ZC3H18: variants seen among roughly 807,000 people sequenced by gnomAD.
ZC3H18 encodes the protein zinc finger CCCH domain-containing protein 18.
In ZC3H18, 8 loss-of-function variants were observed where a neutral mutation model predicts 106.1. The ratio of observed to expected loss-of-function variants is 0.08; its 90% CI spans 0.04 to 0.14. The LOEUF is 0.14. ZC3H18 is among the 10% of genes least tolerant of loss of function. The probability of loss-of-function intolerance (pLI) is 1.00; values close to 1 mark genes in which losing one functional copy is unlikely to be tolerated. For synonymous variants in ZC3H18, 635 were observed against 522.1 expected, an observed-to-expected ratio of 1.22 and a Z score of -2.95; for missense variants, 1,318 against 1,278.4, an observed-to-expected ratio of 1.03 and a Z score of -0.47.
intron 3 of ZC3H18, among the ~76,000 whole-genome samples, chr16:88,589,964 C>G (rs1411434061): frequency 6.6e-6 from 1 of 152,172 alleles, no homozygotes; most frequent in Non-Finnish European, 1.5e-5. Context: ...TGAATTGTGT[C>G]ACAATTAGAA....
Position 88,630,501 on chromosome 16 carries a change from G to T in ZC3H18, c.2583G>T (p.Lys861Asn), listed in dbSNP as rs1350497642. 1 of 1,613,524 alleles carries T rather than the reference G, an allele frequency of 6.2e-7. No homozygotes were observed. The highest frequency in any genetic ancestry group is 8.5e-7 in the Non-Finnish European group (1 of 1,179,926). ...ATCACCCAGGTTCTCGGGACCGGAAGTCAGGTGGGAGACTGGGCTCCCCGA... is the reference window on the plus strand; with the variant it reads ...ATCACCCAGGTTCTCGGGACCGGAATTCAGGTGGGAGACTGGGCTCCCCGA... ...TSPDRGSRDR[K>N]SGGRLGSPKP... The change falls in exon 17 of 18, where the codon AAG (lysine) becomes AAT (asparagine). Residue 861 changes from lysine to asparagine, a missense_variant. Lys to Asn is a moderately conservative substitution (Grantham distance 94). This residue lies in a region of ZC3H18 where 848 missense variants were observed against 821.7 expected (regional missense o/e 1.03). Transcript: ENST00000301011.
At position 88,631,382 on chromosome 16, in the gene ZC3H18, T is replaced by C; in HGVS notation, c.*83T>C. ...GGATTTTGCAGTTAATGTCTTATTTTGGCTGTGATTCTTTTTAAAAAGTAA... is the reference window on the plus strand; with the variant it reads ...GGATTTTGCAGTTAATGTCTTATTTCGGCTGTGATTCTTTTTAAAAAGTAA... On this transcript the variant is annotated 3_prime_UTR_variant, in exon 18 of 18. Coordinates refer to ENST00000301011, the MANE Select transcript of ZC3H18 (RefSeq NM_144604.4). 6.7e-7 allele frequency: 1 copy of C among 1,497,980 alleles called. No homozygotes were observed. Among genetic ancestry groups the C allele is most frequent in the Non-Finnish European group, 9.0e-7 (1 of 1,111,762 alleles). The allele number at this position is 1,497,980 out of a possible 1,614,324, so 92.8% of individuals were successfully genotyped here.
intron 11 of ZC3H18, 130 bp downstream of exon 11, chr16:88,624,192 AG>A (rs34533628): frequency 4.6e-6 from 6 of 1,304,412 alleles, no homozygotes; most frequent in Non-Finnish European, 6.3e-6. Context: ...GGCTGGCCCC[AG>A]GGGGTGACTG....
At chr16:88,619,684 G>C (rs1482728592) in intron 8 of ZC3H18, among the ~76,000 whole-genome samples, 1 of 152,182 alleles carries the variant, frequency 6.6e-6, no homozygotes, top group Non-Finnish European at 1.5e-5. Flanking sequence ...CCGTGGCAGG[G>C]GGCAAGCAGA....
At chr16:88,584,879 C>G (rs561891522) in intron 2 of ZC3H18, among the ~76,000 whole-genome samples, 112 of 152,206 alleles carry the variant, frequency 7.4e-4, no homozygotes, top group African/African-American at 2.6e-3. Context: ...CCCTTCTCAC[C>G]ACCTCATCTC....
At chr16:88,608,276 G>C (rs1319617742) in intron 6 of ZC3H18, among the ~76,000 whole-genome samples, 1 of 152,174 alleles carries the variant, frequency 6.6e-6, no homozygotes, top group African/African-American at 2.4e-5. Context: ...ATTCCCCAGT[G>C]AGTAAGGTGC....
chr16:88,626,280 A>C (rs773177964), intron 13 of ZC3H18: 2 of 152,058 alleles, frequency 1.3e-5, no homozygotes, highest in African/African-American at 4.8e-5. Flanking sequence ...AGCTGGGTAT[A>C]GTGGTGTGTG....
intron 9 of ZC3H18, chr16:88,622,903 GAT>G (rs1238476675): frequency 2.6e-6 from 1 of 388,592 alleles, no homozygotes; most frequent in Non-Finnish European, 4.8e-6. Context: ...CAGATGAACA[GAT>G]AGACACACAC....
chr16:88,590,840 G>A (rs1915708983), intron 3 of ZC3H18, among the ~76,000 whole-genome samples: 1 of 152,038 alleles, frequency 6.6e-6, no homozygotes, highest in African/African-American at 2.4e-5. Flanking sequence ...GATTACAGGT[G>A]TGAGCCACCA....
intron 8 of ZC3H18, among the ~76,000 whole-genome samples, chr16:88,620,383 A>G (rs1324894129): frequency 6.6e-6 from 1 of 152,134 alleles, no homozygotes; most frequent in African/African-American, 2.4e-5. Context: ...GAGGCCAGAA[A>G]TTCGAGACCA....
intron 3 of ZC3H18, 42 bp downstream of exon 3, chr16:88,586,726 C>A (rs775889700): frequency 1.3e-6 from 2 of 1,563,610 alleles, no homozygotes; most frequent in Non-Finnish European, 1.8e-6. Context: ...CCAGCTGGGG[C>A]CCCACCTTCT....
chr16:88,570,944 G>A (rs1350842726), intron 1 of ZC3H18, among the ~76,000 whole-genome samples: 2 of 152,244 alleles, frequency 1.3e-5, no homozygotes, highest in African/African-American at 2.4e-5. Context: ...CACCTCCAGA[G>A]TAGGTCATCC....
chr16:88,613,598 T>C (rs1024660439), intron 8 of ZC3H18, among the ~76,000 whole-genome samples: 3 of 152,236 alleles, frequency 2.0e-5, no homozygotes, highest in African/African-American at 7.2e-5. Flanking sequence ...TGGATGATAA[T>C]GAGAGCATCT....
intron 1 of ZC3H18, among the ~76,000 whole-genome samples, chr16:88,572,747 CCCTTCGTAGCACCTT>C (rs1914490253): frequency 1.3e-5 from 2 of 151,760 alleles, no homozygotes; most frequent in South Asian, 4.2e-4. Flanking sequence ...GGCCACGTTT[CCCTTCGTAGCACCTT>C]ATTACTATTT....
chr16:88,577,800 G>A, intron 2 of ZC3H18, 74 bp downstream of exon 2: 15 of 1,607,438 alleles, frequency 9.3e-6, no homozygotes, highest in Non-Finnish European at 1.2e-5. Flanking sequence ...TGGAAAGGAG[G>A]GACTCTGTGT....
chr16:88,617,572 G>A (rs972515098), intron 8 of ZC3H18, among the ~76,000 whole-genome samples: 11 of 152,218 alleles, frequency 7.2e-5, no homozygotes, highest in Non-Finnish European at 1.0e-4. Flanking sequence ...GGACCTTCCC[G>A]CAGGAGCTGT....
chr16:88,611,150 G>A, intron 7 of ZC3H18, 118 bp from the exon 8 acceptor site: 1 of 682,434 alleles, frequency 1.5e-6, no homozygotes, highest in Non-Finnish European at 2.7e-6. Flanking sequence ...TAGGTTTGTG[G>A]GGTACAGGTG....
At chr16:88,628,222 G>A (rs978988566) in intron 15 of ZC3H18, 103 bp downstream of exon 15, 16 of 1,326,076 alleles carry the variant, frequency 1.2e-5, no homozygotes, top group African/African-American at 4.4e-5. Flanking sequence ...GAGTGAGGGC[G>A]AGTGGGGCCT....
chr16:88,577,817 G>C (rs373441524), intron 2 of ZC3H18, 91 bp downstream of exon 2: 1 of 1,593,462 alleles, frequency 6.3e-7, no homozygotes, highest in Non-Finnish European at 8.5e-7. Flanking sequence ...GTGTGGGACT[G>C]ACTTAGTGAT....
Sources: allele counts gnomAD v4.1 joint callset (sites outside exome capture counted in the v4.1 genomes callset), GRCh38; gene constraint gnomAD v4.1.1; regional missense constraint gnomAD v4.1.1; transcripts MANE v1.5; gene names NCBI Gene and HGNC (gene_info 2026-07-23, HGNC 2026-07-21).